DOCK1: variants seen among roughly 807,000 people sequenced by gnomAD.
The protein encoded by DOCK1 is dedicator of cytokinesis protein 1.
Under a neutral mutation model 262.7 loss-of-function variants are expected in DOCK1, and 138 were observed. The observed-to-expected ratio is 0.53, with a 90% CI of 0.46 to 0.61. The LOEUF (loss-of-function observed/expected upper bound fraction) is 0.61. Among genes scored for constraint, DOCK1 ranks in the 20% least tolerant of loss-of-function variants. DOCK1 has a pLI of 0.00. For synonymous variants in DOCK1, 866 were observed against 867.4 expected (o/e 1.00, Z 0.03); for missense variants, 1,908 against 2,370.7 (o/e 0.80, Z 4.05).
At chr10:127,168,090 G>A (rs2054243791) in intron 27 of DOCK1, among the ~76,000 whole-genome samples, 1 of 152,118 alleles carries the variant, frequency 6.6e-6, no homozygotes, top group South Asian at 2.1e-4. Flanking sequence ...GGTCCAGAGG[G>A]GTTAATAAGC....
chr10:126,949,083 A>T (rs2035926775), intron 1 of DOCK1, among the ~76,000 whole-genome samples: 3 of 152,096 alleles, frequency 2.0e-5, no homozygotes, highest in Admixed American at 2.0e-4. Flanking sequence ...GGAGTGGTGC[A>T]CGTTCTGCTG....
At chr10:127,210,037 C>G (rs148544023) in intron 27 of DOCK1, among the ~76,000 whole-genome samples, 1 of 152,310 alleles carries the variant, frequency 6.6e-6, no homozygotes, top group Non-Finnish European at 1.5e-5. Context: ...AATCATCTTT[C>G]TCTCTTTCTA....
At chr10:127,411,355 T>G (rs1425951984) in intron 43 of DOCK1, among the ~76,000 whole-genome samples, 1 of 151,972 alleles carries the variant, frequency 6.6e-6, no homozygotes, top group Non-Finnish European at 1.5e-5. Context: ...CATTCCTCAT[T>G]CAGTATCCAG....
intron 1 of DOCK1, among the ~76,000 whole-genome samples, chr10:126,928,348 G>C (rs1036244790): frequency 6.6e-6 from 1 of 152,206 alleles, no homozygotes; most frequent in Non-Finnish European, 1.5e-5. Flanking sequence ...CTGCCCCCAG[G>C]GACTTCAGTG....
chr10:127,072,874 G>A (rs2046313096), intron 23 of DOCK1, among the ~76,000 whole-genome samples: 1 of 152,122 alleles, frequency 6.6e-6, no homozygotes, highest in Admixed American at 6.5e-5. Context: ...ACTCATTGAT[G>A]GAAACATTTA....
At chr10:126,994,887 C>T (rs10764898) in intron 6 of DOCK1, among the ~76,000 whole-genome samples, 13 of 151,452 alleles carry the variant, frequency 8.6e-5, no homozygotes, top group South Asian at 4.2e-4. Flanking sequence ...ACTTCCCAGA[C>T]GGGGCGGCCG....
At chr10:127,117,854 G>A (rs1456741694) in intron 25 of DOCK1, among the ~76,000 whole-genome samples, 1 of 152,158 alleles carries the variant, frequency 6.6e-6, no homozygotes, top group African/African-American at 2.4e-5. Context: ...ACTGCATGAT[G>A]TGTTGTCTAC....
At chr10:127,114,015 A>G (rs2049023738) in intron 25 of DOCK1, among the ~76,000 whole-genome samples, 1 of 152,156 alleles carries the variant, frequency 6.6e-6, no homozygotes, top group Non-Finnish European at 1.5e-5. Flanking sequence ...ATTAACCATC[A>G]CAGAGTATTT....
chr10:127,027,269 A>AT (rs2042931698), intron 16 of DOCK1, among the ~76,000 whole-genome samples: 1 of 152,348 alleles, frequency 6.6e-6, no homozygotes, highest in African/African-American at 2.4e-5. Flanking sequence ...GAGCTTAAGC[A>AT]TGAGCCTCTT....
chr10:127,046,069 T>TTAGA (rs1270863124), intron 21 of DOCK1, among the ~76,000 whole-genome samples: 1 of 152,240 alleles, frequency 6.6e-6, no homozygotes, highest in Non-Finnish European at 1.5e-5. Context: ...TAAGTCCTTC[T>TTAGA]CTTTGCAAAT....
At chr10:127,365,779 TC>T (rs1349215051) in intron 33 of DOCK1, among the ~76,000 whole-genome samples, 4 of 152,172 alleles carry the variant, frequency 2.6e-5, no homozygotes, top group African/African-American at 7.2e-5. Flanking sequence ...CTTACAACAA[TC>T]TTCTGAGGAA....
At chr10:127,193,920 C>CT (rs2056923167) in intron 27 of DOCK1, among the ~76,000 whole-genome samples, 1 of 152,160 alleles carries the variant, frequency 6.6e-6, no homozygotes, top group East Asian at 1.9e-4. Flanking sequence ...AGCTTCCCAG[C>CT]TTTTGCCTTG....
chr10:127,410,321 C>T (rs1476927889), intron 42 of DOCK1, among the ~76,000 whole-genome samples: 1 of 152,154 alleles, frequency 6.6e-6, no homozygotes, highest in Non-Finnish European at 1.5e-5. Context: ...CTGTGGAAGC[C>T]TGCCTGCATT....
chr10:127,436,609 A>G (rs1403516017), intron 48 of DOCK1, among the ~76,000 whole-genome samples: 4 of 141,426 alleles, frequency 2.8e-5, no homozygotes, highest in Non-Finnish European at 6.2e-5. Context: ...GACAATTATC[A>G]GCTTTTAACT....
intron 27 of DOCK1, among the ~76,000 whole-genome samples, chr10:127,239,130 G>A (rs1320080111): frequency 2.0e-5 from 3 of 152,168 alleles, no homozygotes; most frequent in East Asian, 3.9e-4. Context: ...GTCCACCACA[G>A]TAGGCGATTT....
At chr10:127,003,709 T>A (rs1006540941) in intron 10 of DOCK1, among the ~76,000 whole-genome samples, 15 of 152,132 alleles carry the variant, frequency 9.9e-5, no homozygotes, top group Non-Finnish European at 1.9e-4. Flanking sequence ...ATCCCAGCAC[T>A]GTGGGAAGTT....
At chr10:127,365,531 T>A (rs2064857898) in intron 33 of DOCK1, among the ~76,000 whole-genome samples, 1 of 152,200 alleles carries the variant, frequency 6.6e-6, no homozygotes, top group African/African-American at 2.4e-5. Context: ...AAAATTGCTA[T>A]TAAAGAATCA....
At chr10:127,249,997 C>A (rs1003360544) in intron 28 of DOCK1, among the ~76,000 whole-genome samples, 1 of 152,066 alleles carries the variant, frequency 6.6e-6, no homozygotes, top group Non-Finnish European at 1.5e-5. Flanking sequence ...CATGGCATAG[C>A]GAAATCAAAT....
chr10:127,172,843 G>A (rs2054705042), intron 27 of DOCK1, among the ~76,000 whole-genome samples: 1 of 152,168 alleles, frequency 6.6e-6, no homozygotes, highest in South Asian at 2.1e-4. Context: ...CTGGGATACC[G>A]GAGTGAATGA....
Sources: allele counts gnomAD v4.1 joint callset (sites outside exome capture counted in the v4.1 genomes callset), GRCh38; gene constraint gnomAD v4.1.1; transcripts MANE v1.5; gene names NCBI Gene and HGNC (gene_info 2026-07-23, HGNC 2026-07-21).